Variants in TBX20 observed in about 807,000 individuals in gnomAD.
TBX20 encodes T-box transcription factor TBX20.
TBX20 carries 8 observed loss-of-function variants against 42.9 expected under a neutral mutation model. That is an observed-to-expected ratio of 0.19 (90% confidence interval 0.11 to 0.34). TBX20 has a LOEUF of 0.34. TBX20 is among the 10% of genes least tolerant of loss of function. The pLI is 1.00. For missense variants in TBX20, 411 were observed against 566.0 expected, an observed-to-expected ratio of 0.73 and a Z score of 2.78; for synonymous variants, 198 against 222.8, an observed-to-expected ratio of 0.89 and a Z score of 0.99.
chr7:35,253,376 G>A (rs549760967), intron 1 of TBX20, 118 bp downstream of exon 1: 1 of 1,215,414 alleles, frequency 8.2e-7, no homozygotes, highest in South Asian at 1.3e-5. Flanking sequence ...TCTCCCACCC[G>A]CGATGTATGG....
intron 6 of TBX20, among the ~76,000 whole-genome samples, chr7:35,211,164 T>C (rs1194328074): frequency 6.6e-6 from 1 of 152,118 alleles, no homozygotes; most frequent in African/African-American, 2.4e-5. Context: ...ATATTTTCAT[T>C]TCTCCCTTCC....
intron 7 of TBX20, among the ~76,000 whole-genome samples, chr7:35,203,359 T>C (rs900967650): frequency 1.1e-4 from 16 of 152,148 alleles, no homozygotes; most frequent in African/African-American, 3.6e-4. Context: ...CTGACCCCTC[T>C]TGCCTCACTT....
chr7:35,252,723 C>G (rs1030262049), intron 1 of TBX20, among the ~76,000 whole-genome samples: 2 of 152,152 alleles, frequency 1.3e-5, no homozygotes, highest in Non-Finnish European at 1.5e-5. Context: ...TTCTTTTTCC[C>G]TCAGTTGTAA....
intron 3 of TBX20, 66 bp downstream of exon 3, chr7:35,248,611 A>C (rs1562567604): frequency 6.4e-7 from 1 of 1,565,258 alleles, no homozygotes; most frequent in East Asian, 2.2e-5. Context: ...TAAAATTCAC[A>C]CAAGCCAGAA....
At chr7:35,238,773 C>T (rs1310705603) in intron 5 of TBX20, among the ~76,000 whole-genome samples, 1 of 152,184 alleles carries the variant, frequency 6.6e-6, no homozygotes, top group East Asian at 1.9e-4. Flanking sequence ...AATGTTTCCA[C>T]TCCTGTGTTA....
At chr7:35,252,380 A>ATTT (rs10713208) in intron 1 of TBX20, among the ~76,000 whole-genome samples, 1 of 145,974 alleles carries the variant, frequency 6.9e-6, no homozygotes, top group African/African-American at 2.5e-5. Context: ...TAGAGGACAG[A>ATTT]TTTTTTTTTT....
intron 7 of TBX20, among the ~76,000 whole-genome samples, chr7:35,203,711 G>T (rs1181939717): frequency 6.6e-6 from 1 of 152,204 alleles, no homozygotes. Flanking sequence ...ACAGGAGTTG[G>T]TTCCCCAACC....
chr7:35,210,405 G>A (rs192236141), intron 6 of TBX20, among the ~76,000 whole-genome samples: 21 of 152,164 alleles, frequency 1.4e-4, no homozygotes, highest in Admixed American at 8.5e-4. Context: ...GTGAGCCACC[G>A]TGCCTGGCCT....
At chr7:35,252,132 C>T (rs1460367458) in intron 1 of TBX20, among the ~76,000 whole-genome samples, 3 of 152,206 alleles carry the variant, frequency 2.0e-5, no homozygotes, top group Admixed American at 6.5e-5. Flanking sequence ...TTGCTGTCTA[C>T]ACTTCTGTCG....
intron 1 of TBX20, among the ~76,000 whole-genome samples, chr7:35,252,656 C>T (rs1790327962): frequency 6.6e-6 from 1 of 152,172 alleles, no homozygotes; most frequent in Non-Finnish European, 1.5e-5. Context: ...TGATACCAGA[C>T]GATCAGGCTG....
chr7:35,221,981 T>C (rs978301054), intron 6 of TBX20, among the ~76,000 whole-genome samples: 14 of 152,182 alleles, frequency 9.2e-5, no homozygotes, highest in African/African-American at 3.4e-4. Flanking sequence ...TCCTATTTTA[T>C]AGGATAACAA....
rs1457366029 is a variant in TBX20, at chr7:35,202,711, T to C, written c.1063A>G (p.Ser355Gly). 1.9e-6 allele frequency: 3 copies of C among 1,597,074 alleles called. No homozygotes were observed. Among genetic ancestry groups the C allele is most frequent in the Non-Finnish European group, 8.5e-7 (1 of 1,171,688 alleles). Residue 355 changes from serine to glycine, a missense_variant, in exon 8 of 8, where the codon AGT becomes GGT. Coordinates refer to ENST00000408931, the MANE Select transcript of TBX20 (RefSeq NM_001077653.2). ...TGTGGGTGCTGAAACCCAGGAAAACTGGAAGAAGATGATACCCAGGAGCTG... is the reference window on the plus strand; with the variant it reads ...TGTGGGTGCTGAAACCCAGGAAAACCGGAAGAAGATGATACCCAGGAGCTG... ...SLSSWVSSSS[S>G]FPGFQHPQSL...
intron 6 of TBX20, among the ~76,000 whole-genome samples, chr7:35,216,558 A>G (rs1284733259): frequency 1.3e-5 from 2 of 152,204 alleles, no homozygotes; most frequent in Non-Finnish European, 2.9e-5. Flanking sequence ...ATGTTTATAG[A>G]TAACAAAATT....
At chr7:35,232,397 T>C (rs985804006) in intron 5 of TBX20, among the ~76,000 whole-genome samples, 4 of 151,948 alleles carry the variant, frequency 2.6e-5, no homozygotes, top group Non-Finnish European at 5.9e-5. Context: ...AACAAGAAAA[T>C]AAAGGAAACA....
chr7:35,230,539 C>A (rs541493446), intron 6 of TBX20, among the ~76,000 whole-genome samples: 7 of 152,172 alleles, frequency 4.6e-5, no homozygotes, highest in African/African-American at 1.4e-4. Flanking sequence ...CACATTCTGC[C>A]ATTTGGGAAG....
At chr7:35,209,366 A>T (rs1208306577) in intron 6 of TBX20, among the ~76,000 whole-genome samples, 1 of 152,186 alleles carries the variant, frequency 6.6e-6, no homozygotes, top group Non-Finnish European at 1.5e-5. Flanking sequence ...CTATCAGAGT[A>T]TCTGTTTTCT....
Position 35,253,621 on chromosome 7 carries a change from G to T in TBX20, c.-1C>A, listed in dbSNP as rs1790348897. The T allele has an allele frequency of 6.2e-7, 1 of 1,611,394 alleles. No individual in the cohort carries two copies. Among genetic ancestry groups the T allele is most frequent in the Non-Finnish European group, 8.5e-7 (1 of 1,179,846 alleles). ...GCTTGGGGGACGCCGTGAACTCCATGGTCCCCAGCACGCGGTCCTGGCCAG... is the reference window on the plus strand; with the variant it reads ...GCTTGGGGGACGCCGTGAACTCCATTGTCCCCAGCACGCGGTCCTGGCCAG... On this transcript the variant is annotated 5_prime_UTR_variant, in exon 1 of 8. Transcript: ENST00000408931.
chr7:35,208,898 C>T (rs1789448701), intron 6 of TBX20, among the ~76,000 whole-genome samples: 1 of 150,804 alleles, frequency 6.6e-6, no homozygotes, highest in South Asian at 2.1e-4. Context: ...TAAAGGTTCT[C>T]TTCTATTCCT....
At chr7:35,248,927 G>C (rs781205896) in intron 2 of TBX20, 86 bp from the exon 3 acceptor site, 40 of 1,548,656 alleles carry the variant, frequency 2.6e-5, no homozygotes, top group Non-Finnish European at 3.6e-5. Flanking sequence ...GGGAGGGAGG[G>C]AAGGAGGGAA....
Sources: allele counts gnomAD v4.1 joint callset (sites outside exome capture counted in the v4.1 genomes callset), GRCh38; gene constraint gnomAD v4.1.1; transcripts MANE v1.5; gene names NCBI Gene and HGNC (gene_info 2026-07-23, HGNC 2026-07-21).